Variants in SGCD observed in about 807,000 individuals in gnomAD.
SGCD encodes sarcoglycan delta.
A neutral mutation model predicts 36.6 loss-of-function variants in SGCD; 18 were observed. The ratio of observed to expected loss-of-function variants is 0.49; its 90% CI spans 0.34 to 0.73. The LOEUF (loss-of-function observed/expected upper bound fraction) is 0.73, where lower values mean the gene tolerates loss of function less well. SGCD is among the 30% of genes least tolerant of loss of function. SGCD has a pLI of 0.01. For missense variants in SGCD, 387 were observed against 346.7 expected, an observed-to-expected ratio of 1.12 and a Z score of -0.92; for synonymous variants, 133 against 130.6, an observed-to-expected ratio of 1.02 and a Z score of -0.12.
intron 1 of SGCD, among the ~76,000 whole-genome samples, chr5:155,886,935 G>T (rs1561638743): frequency 6.6e-6 from 1 of 152,210 alleles, no homozygotes. Flanking sequence ...TTTCCCAAAA[G>T]CTCATGATAA....
chr5:155,750,419 T>C, the SGCD span, among the ~76,000 whole-genome samples: 1 of 152,192 alleles, frequency 6.6e-6, no homozygotes, highest in Non-Finnish European at 1.5e-5. Flanking sequence ...ATATTCCGTA[T>C]ATAATTTTCC....
At chr5:155,956,818 AGG>A (rs1457941288) in intron 1 of SGCD, among the ~76,000 whole-genome samples, 1 of 138,798 alleles carries the variant, frequency 7.2e-6, no homozygotes, top group African/African-American at 2.6e-5. Context: ...CGGTTAATCC[AGG>A]ATGATCTAAT....
At chr5:156,146,256 G>A (rs956893875) in intron 3 of SGCD, among the ~76,000 whole-genome samples, 1 of 152,086 alleles carries the variant, frequency 6.6e-6, no homozygotes, top group African/African-American at 2.4e-5. Flanking sequence ...TGCTTTAGAG[G>A]TTATGACATT....
intron 3 of SGCD, among the ~76,000 whole-genome samples, chr5:156,295,803 T>C (rs1267556441): frequency 6.6e-6 from 1 of 152,182 alleles, no homozygotes; most frequent in East Asian, 1.9e-4. Context: ...TACCAAAATA[T>C]CCAATCTCTA....
intron 7 of SGCD, among the ~76,000 whole-genome samples, chr5:156,705,572 A>G (rs157340): frequency 0.92 from 139,785 of 152,218 alleles, 64,357 homozygotes; most frequent in East Asian, 0.99. Context: ...AGAAGATACT[A>G]TATCATCTTA....
intron 1 of SGCD, among the ~76,000 whole-genome samples, chr5:155,957,697 T>A (rs551379022): frequency 6.6e-6 from 1 of 152,210 alleles, no homozygotes; most frequent in South Asian, 2.1e-4. Flanking sequence ...TAAGGACCCT[T>A]GTGATTACAT....
intron 3 of SGCD, among the ~76,000 whole-genome samples, chr5:156,244,448 T>C (rs1393327466): frequency 6.6e-6 from 1 of 152,214 alleles, no homozygotes; most frequent in Non-Finnish European, 1.5e-5. Context: ...CTTTGCTGTA[T>C]AACAGGATGT....
At chr5:156,120,448 A>G (rs1379204982) in intron 2 of SGCD, among the ~76,000 whole-genome samples, 1 of 152,210 alleles carries the variant, frequency 6.6e-6, no homozygotes, top group Non-Finnish European at 1.5e-5. Flanking sequence ...TTAGGAAATT[A>G]CAAAAGATAA....
At chr5:156,373,079 T>C (rs1469965502) in intron 3 of SGCD, among the ~76,000 whole-genome samples, 1 of 152,174 alleles carries the variant, frequency 6.6e-6, no homozygotes, top group Non-Finnish European at 1.5e-5. Context: ...GTATTTGGTG[T>C]TTAAATATGC....
chr5:156,427,817 C>T (rs1308773540), intron 3 of SGCD, among the ~76,000 whole-genome samples: 2 of 152,008 alleles, frequency 1.3e-5, no homozygotes, highest in Non-Finnish European at 2.9e-5. Context: ...GTTTTTAATT[C>T]TCTTTATGTG....
chr5:156,504,216 A>T (rs1756589057), intron 3 of SGCD, among the ~76,000 whole-genome samples: 1 of 151,882 alleles, frequency 6.6e-6, no homozygotes, highest in Non-Finnish European at 1.5e-5. Context: ...TCAAAAAAAA[A>T]AAAAAATTAT....
intron 7 of SGCD, among the ~76,000 whole-genome samples, chr5:156,668,482 AC>A (rs1318022204): frequency 6.6e-6 from 1 of 152,236 alleles, no homozygotes; most frequent in Non-Finnish European, 1.5e-5. Context: ...GAGCAAAATA[AC>A]AGTGATGCTT....
Position 156,740,109 on chromosome 5 carries a change from T to C in SGCD, c.576-17472T>C, listed in dbSNP as rs143792079. On this transcript the variant is annotated intron_variant, in intron 7 of 8. Transcript: ENST00000337851. ...GATGTCATAATTTTATTGTCAAAAT[T>C]ATTAATATCCAGGCAGAAAACTAAT... 2.6e-4 allele frequency among the ~76,000 whole-genome samples: 40 copies of C among 152,322 alleles called. No homozygotes were observed. The East Asian group carries it at 7.5e-3, about 29-fold the overall frequency.
At chr5:156,168,229 A>G (rs1437187859) in intron 3 of SGCD, among the ~76,000 whole-genome samples, 1 of 152,250 alleles carries the variant, frequency 6.6e-6, no homozygotes, top group African/African-American at 2.4e-5. Flanking sequence ...ATATTATTCA[A>G]TTCACAATAT....
chr5:155,975,627 TTTTTTTTTTTTTTTTTTTTG>T (rs1758098673), intron 1 of SGCD, among the ~76,000 whole-genome samples: 1 of 93,668 alleles, frequency 1.1e-5, no homozygotes, highest in Admixed American at 1.1e-4. Context: ...TTTTTTTTTT[TTTTTTTTTTTTTTTTTTTTG>T]AGACGGAGTT....
chr5:156,448,563 A>G (rs1287230263), intron 3 of SGCD, among the ~76,000 whole-genome samples: 10 of 152,180 alleles, frequency 6.6e-5, no homozygotes, highest in African/African-American at 1.9e-4. Flanking sequence ...ATAGCCTCAC[A>G]TTGCCTGGAA....
chr5:156,298,769 A>G (rs1216202196), intron 3 of SGCD, among the ~76,000 whole-genome samples: 1 of 151,292 alleles, frequency 6.6e-6, no homozygotes, highest in Non-Finnish European at 1.5e-5. Flanking sequence ...CTATTCAGAT[A>G]TTTTGCTCAT....
chr5:156,180,220 A>G (rs1345758580), intron 3 of SGCD, among the ~76,000 whole-genome samples: 2 of 152,346 alleles, frequency 1.3e-5, no homozygotes, highest in Admixed American at 6.5e-5. Flanking sequence ...TCTGATCACA[A>G]ACATATACAA....
Position 156,759,369 on chromosome 5 carries a change from A to G in SGCD, c.852A>G (p.Ile284Met), listed in dbSNP as rs767778336. 1 of 1,610,854 alleles carries G rather than the reference A, an allele frequency of 6.2e-7. No individual in the cohort carries two copies. The highest frequency in any genetic ancestry group is 8.5e-7 in the Non-Finnish European group (1 of 1,177,432). ...SQAGAGSTCQINTSVCL is the reference protein window; with the variant it reads ...SQAGAGSTCQMNTSVCL ...CAGGAGCTGGGTCCACTTGTCAGAT[A>G]AACACAAGTGTCTGCCTCTGAAAGA... The change falls in exon 9 of 9, where the codon ATA becomes ATG. Residue 284 changes from isoleucine (I) to methionine (M), a missense_variant. By Grantham distance (10) the Ile-to-Met change is conservative (BLOSUM62 1). Transcript: ENST00000337851.
Sources: allele counts gnomAD v4.1 joint callset (sites outside exome capture counted in the v4.1 genomes callset), GRCh38; gene constraint gnomAD v4.1.1; transcripts MANE v1.5; gene names NCBI Gene and HGNC (gene_info 2026-07-23, HGNC 2026-07-21).